Variants in PXMP4 observed in about 807,000 individuals in gnomAD.
The protein encoded by PXMP4 is peroxisomal membrane protein 4, also known as 24 kDa peroxisomal intrinsic membrane protein.
PXMP4 carries 16 observed loss-of-function variants against 21.6 expected under a neutral mutation model. That is an observed-to-expected ratio of 0.74 (90% confidence interval 0.50 to 1.13). The LOEUF (loss-of-function observed/expected upper bound fraction) is 1.13, where lower values mean the gene tolerates loss of function less well. Ranked by LOEUF, PXMP4 falls within the 50% of genes most tolerant of loss-of-function variation. The pLI is 0.00. For synonymous variants in PXMP4, 127 were observed against 123.8 expected (o/e 1.03, Z -0.17); for missense variants, 240 against 277.7 (o/e 0.86, Z 0.96).
In PXMP4 at chr20:33,720,254, G is replaced by T; in HGVS notation, c.-47C>A. 2 of 1,526,788 alleles carry T rather than the reference G, an allele frequency of 1.3e-6. No homozygotes were observed. Among genetic ancestry groups the T allele is most frequent in the Non-Finnish European group, 8.9e-7 (1 of 1,120,706 alleles). The allele number at this position is 1,526,788 out of a possible 1,614,324, so 94.6% of individuals were successfully genotyped here. A position where few individuals can be genotyped will look rare whatever the true frequency, so the allele number is the denominator to read the frequency against. On this transcript the variant is annotated 5_prime_UTR_variant, in exon 1 of 4. Transcript: ENST00000409299. ...CGGGGTTAGGAACTGTAAGCGCACTGACAGCCGGAGGTTCCAGCTGCGCGC... is the reference window on the plus strand; with the variant it reads ...CGGGGTTAGGAACTGTAAGCGCACTTACAGCCGGAGGTTCCAGCTGCGCGC...
chr20:33,708,674 C>A (rs1388304609), intron 3 of PXMP4, among the ~76,000 whole-genome samples: 1 of 151,874 alleles, frequency 6.6e-6, no homozygotes, highest in Admixed American at 6.6e-5. Context: ...AAAATTATGG[C>A]TAAAAAATGG....
chr20:33,712,910 T>C (rs1400268472), intron 2 of PXMP4, among the ~76,000 whole-genome samples: 1 of 152,230 alleles, frequency 6.6e-6, no homozygotes, highest in African/African-American at 2.4e-5. Flanking sequence ...ATTACAGGCA[T>C]GAGCCACTGT....
intron 1 of PXMP4, among the ~76,000 whole-genome samples, chr20:33,718,338 G>C (rs1011960462): frequency 5.3e-5 from 8 of 151,724 alleles, no homozygotes; most frequent in Admixed American, 6.6e-5. Context: ...GTGAAACCCT[G>C]TCTCTACTAA....
intron 1 of PXMP4, among the ~76,000 whole-genome samples, chr20:33,715,211 G>A (rs1258819438): frequency 1.3e-5 from 2 of 152,200 alleles, no homozygotes; most frequent in African/African-American, 4.8e-5. Context: ...TGCAATCTTG[G>A]CTCACTGCAG....
At chr20:33,717,000 C>A (rs957114104) in intron 1 of PXMP4, among the ~76,000 whole-genome samples, 1 of 152,084 alleles carries the variant, frequency 6.6e-6, no homozygotes, top group Non-Finnish European at 1.5e-5. Flanking sequence ...CATGGTGAAA[C>A]CCTGTCTCTA....
chr20:33,711,226 T>C (rs989456400), intron 2 of PXMP4, among the ~76,000 whole-genome samples: 1 of 152,186 alleles, frequency 6.6e-6, no homozygotes, highest in African/African-American at 2.4e-5. Context: ...GAAACAGATC[T>C]GCTCGCCACC....
intron 3 of PXMP4, among the ~76,000 whole-genome samples, chr20:33,708,214 G>T: frequency 6.7e-6 from 1 of 149,614 alleles, no homozygotes. Context: ...ACAGAATCTG[G>T]CTCTGTCGGC....
chr20:33,707,819 A>T lies in PXMP4; in HGVS notation c.526T>A (p.Ser176Thr), dbSNP rs748134905. Reference sequence around the variant, plus strand: ...GACTGCAGCGAGGGCTGCAGGGTGGATCGGTGATACTCAAAGAGCCACAGC... The same window carrying T: ...GACTGCAGCGAGGGCTGCAGGGTGGTTCGGTGATACTCAAAGAGCCACAGC... The part of the protein sequence containing the change: ...LVLWLFEYHR[S>T]TLQPSLQSSM... The change falls in exon 4 of 4, where the codon TCC (serine) becomes ACC (threonine). Residue 176 changes from serine (S) to threonine (T), a missense_variant. Physicochemically the swap from Ser to Thr is moderately conservative, Grantham distance 58 (BLOSUM62 1). Coordinates refer to ENST00000409299, the MANE Select transcript of PXMP4 (RefSeq NM_007238.5). 1.2e-6 allele frequency: 2 copies of T among 1,614,042 alleles called. No individual in the cohort carries two copies. The highest frequency in any genetic ancestry group is 3.3e-5 in the Admixed American group (2 of 59,984).
intron 1 of PXMP4, among the ~76,000 whole-genome samples, chr20:33,715,930 C>T (rs1364107071): frequency 2.0e-5 from 3 of 149,884 alleles, no homozygotes; most frequent in Non-Finnish European, 4.4e-5. Context: ...CTGCAACCTC[C>T]GCCTCCTGGG....
In PXMP4 at chr20:33,720,089, A is replaced by G. The variant is rs1424432585; in HGVS notation, c.113+6T>C. On this transcript the variant is annotated splice_donor_region_variant and intron_variant, in intron 1 of 3. Coordinates refer to ENST00000409299, the MANE Select transcript of PXMP4 (RefSeq NM_007238.5). ...AGCCCCAGCCCGGCCCGACGGCCCC[A>G]CTCACACAGCCCCGTTCCGGAAGCC... The G allele has an allele frequency of 6.2e-7, 1 of 1,612,794 alleles. No individual in the cohort carries two copies. Among genetic ancestry groups the G allele is most frequent in the Non-Finnish European group, 8.5e-7 (1 of 1,179,264 alleles).
chr20:33,720,102 C>G lies in PXMP4; in HGVS notation c.106G>C (p.Gly36Arg), dbSNP rs990956812. The change falls in exon 1 of 4, where the codon GGG (glycine) becomes CGG (arginine). Residue 36 changes from glycine to arginine, a missense_variant. Coordinates refer to ENST00000409299, the MANE Select transcript of PXMP4 (RefSeq NM_007238.5). ...CCCGACGGCCCCACTCACACAGCCC[C>G]GTTCCGGAAGCCCTTAAGCACGGCC... ...ALAVLKGFRN[G>R]AVYGAKIRAP... 4 of 1,613,522 alleles carry G rather than the reference C, an allele frequency of 2.5e-6. No individual in the cohort carries two copies. Among genetic ancestry groups the G allele is most frequent in the Non-Finnish European group, 3.4e-6 (4 of 1,179,830 alleles).
In PXMP4 at chr20:33,703,510, G is replaced by T. The variant is rs2018226220; in HGVS notation, c.*4196C>A. ...ATGCTATATTGCCTCTCAACCTGCTGTACAGAGGCCAGTTTTAGTTTGGGT... is the reference window on the plus strand; with the variant it reads ...ATGCTATATTGCCTCTCAACCTGCTTTACAGAGGCCAGTTTTAGTTTGGGT... On this transcript the variant is annotated 3_prime_UTR_variant, in exon 4 of 4. Transcript: ENST00000409299. 3 of 152,276 alleles carry T rather than the reference G, an allele frequency of 2.0e-5. No homozygotes were observed. The allele number at this position is 152,276 out of a possible 1,614,324, so 9.4% of individuals were successfully genotyped here. A position where few individuals can be genotyped will look rare whatever the true frequency, so the allele number is the denominator to read the frequency against.
chr20:33,717,639 C>CAAAAAAAAAAAAA (rs10666719), intron 1 of PXMP4, among the ~76,000 whole-genome samples: 1 of 56,548 alleles, frequency 1.8e-5, no homozygotes, highest in African/African-American at 8.5e-5. Flanking sequence ...GACTCCGTCT[C>CAAAAAAAAAAAAA]AAAAAAAAAA....
chr20:33,710,080 G>T (rs1450043568), intron 3 of PXMP4, among the ~76,000 whole-genome samples: 1 of 118,874 alleles, frequency 8.4e-6, no homozygotes, highest in African/African-American at 3.4e-5. Flanking sequence ...ACTCTACACT[G>T]AACCACACCC....
intron 1 of PXMP4, 43 bp from the exon 2 acceptor site, chr20:33,714,779 C>T (rs1239222194): frequency 8.2e-6 from 13 of 1,588,900 alleles, no homozygotes; most frequent in East Asian, 2.2e-5. Flanking sequence ...GTCACTGTGT[C>T]GCACTTTCTT....
chr20:33,719,991 C>T (rs1294855407), intron 1 of PXMP4, 104 bp downstream of exon 1: 2 of 1,114,244 alleles, frequency 1.8e-6, no homozygotes, highest in Non-Finnish European at 2.6e-6. Context: ...CACACGAGGA[C>T]TGCTCCAGGG....
chr20:33,708,047 T>C, intron 3 of PXMP4, 78 bp from the exon 4 acceptor site: 1 of 1,459,550 alleles, frequency 6.9e-7, no homozygotes. Flanking sequence ...AATAATTTGT[T>C]TCATTTCTCT....
In PXMP4 at chr20:33,702,877, T is replaced by C. The variant is rs2018218579; in HGVS notation, c.*4829A>G. On this transcript the variant is annotated 3_prime_UTR_variant, in exon 4 of 4. Coordinates refer to ENST00000409299, the MANE Select transcript of PXMP4 (RefSeq NM_007238.5). Reference sequence around the variant, plus strand: ...TTCAGGAACTAGCATTTAGGAAGCATAGCACTTACTGTGCAACAAGAGCCC... The same window carrying C: ...TTCAGGAACTAGCATTTAGGAAGCACAGCACTTACTGTGCAACAAGAGCCC... 1 of 152,184 alleles carries C rather than the reference T, an allele frequency of 6.6e-6. No homozygotes were observed. The highest frequency in any genetic ancestry group is 2.4e-5 in the African/African-American group (1 of 41,442). The allele number at this position is 152,184 out of a possible 1,614,324, so 9.4% of individuals were successfully genotyped here.
intron 1 of PXMP4, 106 bp from the exon 2 acceptor site, chr20:33,714,842 A>C: frequency 1.8e-6 from 2 of 1,103,712 alleles, no homozygotes; most frequent in Non-Finnish European, 2.8e-6. Flanking sequence ...AAATTCTAAC[A>C]CCACTTTGGG....
Sources: allele counts gnomAD v4.1 joint callset (sites outside exome capture counted in the v4.1 genomes callset), GRCh38; gene constraint gnomAD v4.1.1; transcripts MANE v1.5; gene names NCBI Gene and HGNC (gene_info 2026-07-23, HGNC 2026-07-21).